Variants in PDE1C observed in about 807,000 individuals in gnomAD.
PDE1C encodes dual specificity calcium/calmodulin-dependent 3',5'-cyclic nucleotide phosphodiesterase 1C.
PDE1C carries 62 observed loss-of-function variants against 93.1 expected under a neutral mutation model. The observed-to-expected ratio is 0.67, with a 90% CI of 0.54 to 0.82. The LOEUF (loss-of-function observed/expected upper bound fraction) is 0.82, where lower values mean the gene tolerates loss of function less well. Among genes scored for constraint, PDE1C ranks in the 40% least tolerant of loss-of-function variants. The pLI is 0.00. For synonymous variants in PDE1C, 325 were observed against 310.1 expected, an observed-to-expected ratio of 1.05 and a Z score of -0.50; for missense variants, 742 against 884.6, an observed-to-expected ratio of 0.84 and a Z score of 2.04.
At chr7:32,115,827 A>G (rs569729455) in intron 3 of PDE1C, among the ~76,000 whole-genome samples, 7 of 152,294 alleles carry the variant, frequency 4.6e-5, no homozygotes, top group African/African-American at 1.7e-4. Flanking sequence ...AATGAAAACT[A>G]TACAGACAGA....
chr7:32,187,822 ATAT>A (rs1294436883), intron 2 of PDE1C, among the ~76,000 whole-genome samples: 4 of 152,352 alleles, frequency 2.6e-5, no homozygotes, highest in Non-Finnish European at 4.4e-5. Context: ...TGGAATTTTT[ATAT>A]TATTTTACTT....
At chr7:32,194,853 T>A (rs1172060708) in intron 2 of PDE1C, among the ~76,000 whole-genome samples, 1 of 152,206 alleles carries the variant, frequency 6.6e-6, no homozygotes, top group Non-Finnish European at 1.5e-5. Context: ...TTATCTAGTT[T>A]ATTTTTCCTG....
the PDE1C span, among the ~76,000 whole-genome samples, chr7:31,703,178 C>T: frequency 2.0e-5 from 3 of 152,246 alleles, no homozygotes; most frequent in African/African-American, 7.2e-5. Context: ...CAAAAACTCT[C>T]AACAAATGTT....
chr7:31,838,472 T>G (rs1791398263), intron 9 of PDE1C, among the ~76,000 whole-genome samples: 1 of 152,198 alleles, frequency 6.6e-6, no homozygotes, highest in Admixed American at 6.5e-5. Flanking sequence ...ATTTTTAAAG[T>G]CTTGTGTTAA....
chr7:31,724,961 G>A, the PDE1C span, among the ~76,000 whole-genome samples: 16 of 152,174 alleles, frequency 1.1e-4, no homozygotes, highest in Admixed American at 1.0e-3. Flanking sequence ...CCCATACAGA[G>A]ACAGGAAAAT....
At chr7:32,063,391 A>G (rs983614025) in intron 1 of PDE1C, among the ~76,000 whole-genome samples, 7 of 152,248 alleles carry the variant, frequency 4.6e-5, no homozygotes, top group Admixed American at 3.9e-4. Flanking sequence ...CAAGGAAAGT[A>G]GTCTTCCATG....
chr7:32,167,056 T>C (rs565359817), intron 3 of PDE1C, among the ~76,000 whole-genome samples: 34 of 152,310 alleles, frequency 2.2e-4, no homozygotes, highest in African/African-American at 7.9e-4. Context: ...ATTGCTGATG[T>C]AACAGGGAGC....
intron 3 of PDE1C, among the ~76,000 whole-genome samples, chr7:32,120,302 C>A (rs62458878): frequency 6.6e-6 from 1 of 152,212 alleles, no homozygotes; most frequent in East Asian, 1.9e-4. Flanking sequence ...CATACTTAGC[C>A]TTTCCTCTTG....
chr7:32,031,602 A>G (rs1207562871), intron 2 of PDE1C, among the ~76,000 whole-genome samples: 4 of 152,194 alleles, frequency 2.6e-5, no homozygotes, highest in African/African-American at 9.6e-5. Context: ...GCCACGTTGC[A>G]TAGCTTATTA....
chr7:32,371,703 C>T lies in PDE1C; in HGVS notation c.310+56119G>A, dbSNP rs138264220. ...ACAACTACAATGCATTGTTGAAAGA[C>T]TTACATAAATGGAAAAACATTCTAT... On this transcript the variant is annotated intron_variant, in intron 1 of 1. Coordinates refer to the PDE1C transcript ENST00000672256. Among the ~76,000 whole-genome samples, 1,041 of 152,274 alleles carry T rather than the reference C, an allele frequency of 6.8e-3. 15 individuals are homozygous for T. Among genetic ancestry groups the T allele is most frequent in the African/African-American group, 0.023 (973 of 41,550 alleles).
chr7:31,933,338 G>C (rs181238957), intron 2 of PDE1C, among the ~76,000 whole-genome samples: 1 of 151,848 alleles, frequency 6.6e-6, no homozygotes, highest in East Asian at 1.9e-4. Context: ...ACATGACCAG[G>C]GTAAACACCT....
upstream of PDE1C, chr7:32,071,225 C>G (rs1010323613): frequency 1.4e-4 from 137 of 985,320 alleles, no homozygotes; most frequent in Non-Finnish European, 1.6e-4. Flanking sequence ...AGCTCGGCTC[C>G]GCGCGCAAGT....
intron 1 of PDE1C, among the ~76,000 whole-genome samples, chr7:32,378,034 T>C (rs1027057586): frequency 1.3e-5 from 2 of 152,200 alleles, no homozygotes. Flanking sequence ...ACCATTTACA[T>C]TTGGGAGAGC....
chr7:31,823,318 C>G, intron 13 of PDE1C, 70 bp from the exon 14 acceptor site: 2 of 1,328,520 alleles, frequency 1.5e-6, no homozygotes, highest in South Asian at 2.7e-5. Flanking sequence ...TGAGCAAGCC[C>G]AGAGGAGGAA....
intron 2 of PDE1C, among the ~76,000 whole-genome samples, chr7:32,171,361 C>T (rs1802639104): frequency 6.6e-6 from 1 of 151,750 alleles, no homozygotes. Context: ...CCTCCATATC[C>T]ATGGGTTCCA....
chr7:31,648,917 T>A, the PDE1C span, among the ~76,000 whole-genome samples: 1 of 152,228 alleles, frequency 6.6e-6, no homozygotes, highest in African/African-American at 2.4e-5. Context: ...ACAAGTTAAC[T>A]AGCCATTCTA....
intron 3 of PDE1C, among the ~76,000 whole-genome samples, chr7:32,148,484 A>C (rs32322): frequency 0.8 from 121,058 of 152,100 alleles, 48,863 homozygotes; most frequent in East Asian, 0.99. Context: ...ATAAAATGGA[A>C]ATTTGAGAAA....
chr7:32,119,452 T>C (rs1799167476), intron 3 of PDE1C, among the ~76,000 whole-genome samples: 1 of 152,100 alleles, frequency 6.6e-6, no homozygotes. Context: ...CTGGTAAACT[T>C]TCCAAACACT....
intron 1 of PDE1C, among the ~76,000 whole-genome samples, chr7:32,221,325 A>G (rs1239342948): frequency 6.6e-6 from 1 of 152,252 alleles, no homozygotes; most frequent in East Asian, 1.9e-4. Flanking sequence ...CCCTCCATCA[A>G]GCCCCTTTCT....
Sources: gnomAD v4.1 joint callset for allele counts (sites outside exome capture counted in the v4.1 genomes callset) on GRCh38, gnomAD v4.1.1 for gene constraint, MANE v1.5 for transcripts, NCBI Gene and HGNC (gene_info 2026-07-23, HGNC 2026-07-21) for gene names.